ACTN1: variants seen among roughly 807,000 people sequenced by gnomAD.
ACTN1 encodes the protein actinin alpha 1.
In ACTN1, 30 loss-of-function variants were observed where a neutral mutation model predicts 119.6. The ratio of observed to expected loss-of-function variants is 0.25; its 90% CI spans 0.19 to 0.34. The LOEUF is 0.34. Among genes scored for constraint, ACTN1 ranks in the 10% least tolerant of loss-of-function variants. The probability of loss-of-function intolerance (pLI) is 1.00; values close to 1 mark genes in which losing one functional copy is unlikely to be tolerated. For missense variants in ACTN1, 764 were observed against 1,223.4 expected, an observed-to-expected ratio of 0.62 and a Z score of 5.60; for synonymous variants, 429 against 472.6, an observed-to-expected ratio of 0.91 and a Z score of 1.20.
At chr14:68,916,980 G>A (rs144299787) in intron 3 of ACTN1, among the ~76,000 whole-genome samples, 92 of 151,978 alleles carry the variant, frequency 6.1e-4, no homozygotes, top group African/African-American at 2.1e-3. Flanking sequence ...GGCACCCACC[G>A]CCCCCTCCAT....
intron 2 of ACTN1, among the ~76,000 whole-genome samples, chr14:68,923,319 T>C (rs1283225295): frequency 1.3e-5 from 2 of 151,990 alleles, no homozygotes; most frequent in African/African-American, 2.4e-5. Flanking sequence ...TGGGGTATTA[T>C]AGGTGCTGGG....
intron 1 of ACTN1, among the ~76,000 whole-genome samples, chr14:68,941,211 G>GA (rs1360020002): frequency 5.0e-4 from 76 of 152,150 alleles, no homozygotes; most frequent in East Asian, 1.9e-4. Context: ...AAGCCAGGCA[G>GA]AAAAAATAGA....
Position 68,880,867 on chromosome 14 carries a change from G to A in ACTN1, c.2076C>T (p.His692=). ...KPKIDQLEGD[H]QLIQEALIFD... ...AGATGAGCGCCTCCTGGATGAGCTGGTGGTCGCCCTCCAGCTGATCAATCT... is the reference window on the plus strand; with the variant it reads ...AGATGAGCGCCTCCTGGATGAGCTGATGGTCGCCCTCCAGCTGATCAATCT... The change falls in exon 17 of 22, where the codon CAC becomes CAT. Residue 692 remains histidine, a synonymous_variant. Coordinates refer to ENST00000394419, the MANE Select transcript of ACTN1 (RefSeq NM_001130004.2). The surrounding 1 kb of genome is among the most constrained non-coding windows in gnomAD (Gnocchi z 4.6). 1.2e-6 allele frequency: 2 copies of A among 1,614,128 alleles called. No individual in the cohort carries two copies. The highest frequency in any genetic ancestry group is 2.2e-5 in the East Asian group (1 of 44,878).
intron 3 of ACTN1, among the ~76,000 whole-genome samples, chr14:68,912,490 C>T (rs1270861042): frequency 6.6e-6 from 1 of 152,126 alleles, no homozygotes; most frequent in African/African-American, 2.4e-5. Context: ...GCGATCCTCC[C>T]ATCTCACCTT....
At chr14:68,943,389 G>A (rs1459686500) in intron 1 of ACTN1, among the ~76,000 whole-genome samples, 1 of 152,200 alleles carries the variant, frequency 6.6e-6, no homozygotes, top group Non-Finnish European at 1.5e-5. Flanking sequence ...AGGGGCTTCC[G>A]CCTGTGGTCA....
chr14:68,962,023 G>A (rs2036557558), intron 1 of ACTN1, among the ~76,000 whole-genome samples: 1 of 152,164 alleles, frequency 6.6e-6, no homozygotes, highest in South Asian at 2.1e-4. Context: ...GTACAGCTGT[G>A]GCTGGTGTGC....
Position 68,925,341 on chromosome 14 carries a change from TA to T in ACTN1, c.220+216del, listed in dbSNP as rs68084694. Among the ~76,000 whole-genome samples, 123 of 123,914 alleles carry T rather than the reference TA, an allele frequency of 9.9e-4. 4 individuals carry two copies. The highest frequency in any genetic ancestry group is 1.9e-3 in the East Asian group (9 of 4,726). The allele number at this position is 123,914 out of a possible 152,430, so 81.3% of individuals were successfully genotyped here. A position where few individuals can be genotyped will look rare whatever the true frequency, so the allele number is the denominator to read the frequency against. ...CCCTTTTTTTTTTTTTTTTTTTTTT[TA>T]AAACAAACAAGGATGCTGAAACAAA... is the stretch of plus-strand genomic sequence containing the variant. On this transcript the variant is annotated intron_variant, in intron 2 of 21. Transcript: ENST00000394419. This position sits in a 1 kb window ranked among gnomAD's most constrained non-coding sequence, Gnocchi z 4.3.
chr14:68,902,325 C>T (rs1324901759), intron 8 of ACTN1, 152 bp downstream of exon 8: 4 of 663,120 alleles, frequency 6.0e-6, no homozygotes, highest in South Asian at 5.2e-5. Flanking sequence ...GTAAGAACAA[C>T]ACGCCACTTC....
intron 1 of ACTN1, among the ~76,000 whole-genome samples, chr14:68,949,147 G>C (rs1467692172): frequency 6.6e-6 from 1 of 152,182 alleles, no homozygotes; most frequent in Non-Finnish European, 1.5e-5. Context: ...TAACCCTCTG[G>C]GAGAGCCTCG....
rs1467100217 is a variant in ACTN1, at chr14:68,874,777, C to G, written c.*82G>C. 1 of 1,387,910 alleles carries G rather than the reference C, an allele frequency of 7.2e-7. No individual in the cohort carries two copies. Among genetic ancestry groups the G allele is most frequent in the African/African-American group, 1.5e-5 (1 of 68,620 alleles). The allele number at this position is 1,387,910 out of a possible 1,614,324, so 86.0% of individuals were successfully genotyped here. A position where few individuals can be genotyped will look rare whatever the true frequency, so the allele number is the denominator to read the frequency against. ...CCGGGTGGAGGCTGGGAGCTGAAAC[C>G]GAACCCAGGCAGGAGATGGGCGACG... On this transcript the variant is annotated 3_prime_UTR_variant, in exon 22 of 22. Transcript: ENST00000394419.
chr14:68,907,999 A>G (rs979262946), intron 6 of ACTN1, among the ~76,000 whole-genome samples: 1 of 151,760 alleles, frequency 6.6e-6, no homozygotes, highest in Admixed American at 6.6e-5. Flanking sequence ...CCAGCAGGAC[A>G]GGAAGGTTCT....
chr14:68,882,516 C>T lies in ACTN1; in HGVS notation c.1895G>A (p.Arg632His). The change falls in exon 16 of 22, where the codon CGC becomes CAC. Residue 632 changes from arginine (R) to histidine (H), a missense_variant. Physicochemically the swap from Arg to His is conservative, Grantham distance 29. This residue lies in a region of ACTN1 where 544 missense variants were observed against 912.0 expected (regional missense o/e 0.60). Coordinates refer to ENST00000394419, the MANE Select transcript of ACTN1 (RefSeq NM_001130004.2). The surrounding 1 kb of genome is among the most constrained non-coding windows in gnomAD (Gnocchi z 4.5). ...ATTGGCCTGGGCTCCAAACTGCTTG[C>T]GTAGCCTCTCATTGTGCTGCTGTCG... ...HARQQHNERL[R>H]KQFGAQANVI... is the part of the protein sequence containing the mutation. 6.2e-7 allele frequency: 1 copy of T among 1,614,136 alleles called. No homozygotes were observed. Among genetic ancestry groups the T allele is most frequent in the Non-Finnish European group, 8.5e-7 (1 of 1,180,030 alleles).
chr14:68,878,345 G>A lies in ACTN1; in HGVS notation c.2427+113C>T. ...GGACATGGGCCCTGGGGCTCCTCCAGGGAGGGCAGCCCCTAGCCTGAGGGC... is the reference window on the plus strand; with the variant it reads ...GGACATGGGCCCTGGGGCTCCTCCAAGGAGGGCAGCCCCTAGCCTGAGGGC... On this transcript the variant is annotated intron_variant, in intron 20 of 21. Coordinates refer to ENST00000394419, the MANE Select transcript of ACTN1 (RefSeq NM_001130004.2). This position sits in a 1 kb window ranked among gnomAD's most constrained non-coding sequence, Gnocchi z 4.4. The A allele has an allele frequency of 7.0e-7, 1 of 1,427,372 alleles. No homozygotes were observed. Among genetic ancestry groups the A allele is most frequent in the Non-Finnish European group, 9.3e-7 (1 of 1,078,330 alleles). The allele number at this position is 1,427,372 out of a possible 1,614,324, so 88.4% of individuals were successfully genotyped here.
rs781067137 is a variant in ACTN1 at position 68,881,936 on chromosome 14, C to CTTTTTTTTTTTTTTTTTTTT, written c.1953+521_1953+522insAAAAAAAAAAAAAAAAAAAA. Among the ~76,000 whole-genome samples the CTTTTTTTTTTTTTTTTTTTT allele has an allele frequency of 7.4e-4, 43 of 58,384 alleles. 4 individuals are homozygous for CTTTTTTTTTTTTTTTTTTTT. Among genetic ancestry groups the CTTTTTTTTTTTTTTTTTTTT allele is most frequent in the African/African-American group, 1.3e-3 (12 of 9,522 alleles). 38.3% of individuals were successfully genotyped at this position (58,384 alleles called of 152,430 possible). On this transcript the variant is annotated intron_variant, in intron 16 of 21. Transcript: ENST00000394419. ...AGTATGGGACTTTCATAGGCAGCTT[C>CTTTTTTTTTTTTTTTTTTTT]TTTTTTTTTTTTTTTTTTTGACAGA...
Position 68,909,918 on chromosome 14 carries a change from C to A in ACTN1, c.515+37G>T, listed in dbSNP as rs367703608. The A allele has an allele frequency of 1.3e-6, 2 of 1,592,896 alleles. No individual in the cohort carries two copies. Among genetic ancestry groups the A allele is most frequent in the Non-Finnish European group, 1.7e-6 (2 of 1,161,826 alleles). On this transcript the variant is annotated intron_variant, in intron 5 of 21. Transcript: ENST00000394419. This position sits in a 1 kb window ranked among gnomAD's most constrained non-coding sequence, Gnocchi z 4.1. ...TCTGGGAGCTCCCGGGGGAGGCAGC[C>A]TGGTTCTGTGAGAGCCCCTCAGACC...
chr14:68,890,099 T>C, intron 11 of ACTN1, 40 bp downstream of exon 11: 1 of 1,603,572 alleles, frequency 6.2e-7, no homozygotes, highest in South Asian at 1.1e-5. Context: ...AGTAGGGAAG[T>C]GAAGCCCTGG....
intron 7 of ACTN1, among the ~76,000 whole-genome samples, chr14:68,903,852 G>T (rs2033501516): frequency 6.6e-6 from 1 of 152,194 alleles, no homozygotes; most frequent in African/African-American, 2.4e-5. Context: ...CTCTACACAG[G>T]GAGAGGGGCA....
At chr14:68,966,874 C>A (rs1451556570) in intron 1 of ACTN1, among the ~76,000 whole-genome samples, 1 of 152,142 alleles carries the variant, frequency 6.6e-6, no homozygotes, top group Non-Finnish European at 1.5e-5. Flanking sequence ...CAGGGCTCAG[C>A]CAAATGCAAT....
rs992519179 is a variant in ACTN1, at chr14:68,885,286, G to A, written c.1385+139C>T. ...ACCAGGAGAGATATTTGTCTCCTGC[G>A]TTGACTCCCTCCCCACCTGGGCACC... On this transcript the variant is annotated intron_variant, in intron 12 of 21. Coordinates refer to ENST00000394419, the MANE Select transcript of ACTN1 (RefSeq NM_001130004.2). This position sits in a 1 kb window ranked among gnomAD's most constrained non-coding sequence, Gnocchi z 5.6. 26 of 1,146,642 alleles carry A rather than the reference G, an allele frequency of 2.3e-5. No individual in the cohort carries two copies. The highest frequency in any genetic ancestry group is 3.0e-5 in the Non-Finnish European group (25 of 836,594). The allele number at this position is 1,146,642 out of a possible 1,614,324, so 71.0% of individuals were successfully genotyped here.
Sources: gnomAD v4.1 joint callset for allele counts (sites outside exome capture counted in the v4.1 genomes callset) on GRCh38, gnomAD v4.1.1 for gene constraint, gnomAD v4.1.1 regional missense constraint, Gnocchi (gnomAD v3.1) non-coding constraint, MANE v1.5 for transcripts, NCBI Gene and HGNC (gene_info 2026-07-23, HGNC 2026-07-21) for gene names.